BIRC6: variants seen among roughly 807,000 people sequenced by gnomAD.
BIRC6 encodes baculoviral IAP repeat containing 6, also known as dual E2 ubiquitin-conjugating enzyme/E3 ubiquitin-protein ligase BIRC6.
In BIRC6, 98 loss-of-function variants were observed where a neutral mutation model predicts 503.3. The ratio of observed to expected loss-of-function variants is 0.19; its 90% CI spans 0.17 to 0.23. The LOEUF (loss-of-function observed/expected upper bound fraction) is 0.23, where lower values mean the gene tolerates loss of function less well. Among genes scored for constraint, BIRC6 ranks in the 10% least tolerant of loss-of-function variants. The pLI, the probability that BIRC6 is intolerant of heterozygous loss-of-function variation, is 1.00. For missense variants in BIRC6, 5,360 were observed against 5,806.0 expected (o/e 0.92, Z 2.50); for synonymous variants, 2,240 against 2,078.7 (o/e 1.08, Z -2.11).
chr2:32,518,725 G>T, intron 56 of BIRC6, 92 bp from the exon 57 acceptor site: 1 of 1,370,386 alleles, frequency 7.3e-7, no homozygotes, highest in Admixed American at 2.2e-5. Flanking sequence ...GATTTATTGA[G>T]TATTTTATTC....
chr2:32,588,137 T>C (rs1366521343), intron 66 of BIRC6, among the ~76,000 whole-genome samples: 2 of 152,100 alleles, frequency 1.3e-5, no homozygotes, highest in African/African-American at 4.8e-5. Context: ...GTGGATCACA[T>C]GAGGTCAGGA....
At chr2:32,518,167 C>T (rs538223227) in intron 55 of BIRC6, 87 bp from the exon 56 acceptor site, 1 of 1,245,468 alleles carries the variant, frequency 8.0e-7, no homozygotes, top group Non-Finnish European at 1.1e-6. Flanking sequence ...TAAACTTATT[C>T]ATATTTTCTG....
At chr2:32,444,739 T>C (rs2045776998) in intron 20 of BIRC6, among the ~76,000 whole-genome samples, 1 of 152,172 alleles carries the variant, frequency 6.6e-6, no homozygotes, top group African/African-American at 2.4e-5. Flanking sequence ...TCATAAAGAT[T>C]TCATCTTTGT....
Position 32,468,572 on chromosome 2 carries a change from T to G in BIRC6, c.5916T>G (p.Ser1972=). The change falls in exon 29 of 74, where the codon TCT becomes TCG. Residue 1972 remains serine (S), a synonymous_variant. Coordinates refer to ENST00000421745, the MANE Select transcript of BIRC6 (RefSeq NM_016252.4). ...TTGAGGAAGACAGTAGGGTTTTTTC[T>G]GCTTATCAAGATTGTATTCAGCTAC... ...KAVEEDSRVF[S]AYQDCIQLQL... The G allele has an allele frequency of 6.2e-7, 1 of 1,614,028 alleles. No homozygotes were observed. The highest frequency in any genetic ancestry group is 8.5e-7 in the Non-Finnish European group (1 of 1,179,870).
chr2:32,567,935 A>T (rs1397847278), intron 65 of BIRC6, among the ~76,000 whole-genome samples: 1 of 152,148 alleles, frequency 6.6e-6, no homozygotes, highest in Non-Finnish European at 1.5e-5. Context: ...ACCCTTCTCT[A>T]CTAAAAATAA....
In BIRC6 at chr2:32,519,620, A is replaced by G. The variant is rs571316961; in HGVS notation, c.11623+674A>G. ...AACCTGTGCCTCCCATGTTCAAGCA[A>G]TTCTCCTGCCTCAGCCTCCTGAGTA... On this transcript the variant is annotated intron_variant, in intron 57 of 73. Transcript: ENST00000421745. Among the ~76,000 whole-genome samples the G allele has an allele frequency of 5.9e-5, 9 of 152,164 alleles. 1 individual carries two copies. In the South Asian group the frequency reaches 1.9e-3, roughly 32 times the overall value.
rs202208418 is a variant in BIRC6, at chr2:32,388,972, T to G, written c.839+29T>G. 3.8e-5 allele frequency: 49 copies of G among 1,295,904 alleles called. No homozygotes were observed. In the East Asian group the frequency reaches 1.4e-3, roughly 36 times the overall value. 80.3% of individuals were successfully genotyped at this position (1,295,904 alleles called of 1,614,324 possible). A position where few individuals can be genotyped will look rare whatever the true frequency, so the allele number is the denominator to read the frequency against. ...TGAACCTTGCTAACAAAGGTGACAG[T>G]GAGATAGAATTGATTAGTTTTTGCA... On this transcript the variant is annotated intron_variant, in intron 4 of 73. Coordinates refer to ENST00000421745, the MANE Select transcript of BIRC6 (RefSeq NM_016252.4).
chr2:32,511,441 C>G (rs1572715654), intron 53 of BIRC6, among the ~76,000 whole-genome samples: 1 of 142,470 alleles, frequency 7.0e-6, no homozygotes, highest in East Asian at 2.0e-4. Context: ...TCCTGAGTAG[C>G]TGGGTCTACA....
chr2:32,612,472 A>G (rs187149031), intron 73 of BIRC6, among the ~76,000 whole-genome samples: 87 of 151,916 alleles, frequency 5.7e-4, no homozygotes, highest in African/African-American at 1.7e-3. Flanking sequence ...TCCCTTTTCT[A>G]TCTTCAGGTT....
At chr2:32,389,783 G>A (rs899015943) in intron 4 of BIRC6, among the ~76,000 whole-genome samples, 27 of 152,086 alleles carry the variant, frequency 1.8e-4, no homozygotes, top group African/African-American at 5.8e-4. Flanking sequence ...TGCAACCTCT[G>A]CCTCCCAGAT....
intron 43 of BIRC6, 137 bp downstream of exon 43, chr2:32,490,288 C>A: frequency 2.8e-6 from 2 of 711,878 alleles, no homozygotes; most frequent in Non-Finnish European, 4.7e-6. Context: ...TGGCTCACGC[C>A]TGTAAACCCA....
At chr2:32,432,291 C>T (rs966825989) in intron 12 of BIRC6, among the ~76,000 whole-genome samples, 1 of 152,146 alleles carries the variant, frequency 6.6e-6, no homozygotes, top group Non-Finnish European at 1.5e-5. Context: ...TGGTGCACAC[C>T]TGTAATCCCA....
intron 10 of BIRC6, among the ~76,000 whole-genome samples, chr2:32,424,108 A>G (rs1574105779): frequency 6.6e-6 from 1 of 152,212 alleles, no homozygotes; most frequent in Admixed American, 6.5e-5. Context: ...GCAGATTTCT[A>G]AGATTTATGG....
At position 32,367,693 on chromosome 2, in the gene BIRC6, G is replaced by T. The variant is rs546349964; in HGVS notation, c.326-9895G>T. ...TAGCTGGGTGTGGTGGTGTACACTT[G>T]TAATTCCAGCTACTCGGGAGGCTGA... On this transcript the variant is annotated intron_variant, in intron 1 of 73. Transcript: ENST00000421745. 4.6e-5 allele frequency among the ~76,000 whole-genome samples: 7 copies of T among 151,994 alleles called. No individual in the cohort carries two copies. In the South Asian group the frequency reaches 1.4e-3, roughly 31 times the overall value.
Position 32,593,962 on chromosome 2 carries a change from A to T in BIRC6, c.13403A>T (p.Asp4468Val). Residue 4468 changes from aspartate (D) to valine (V), a missense_variant, in exon 67 of 74, where the codon GAT becomes GTT. Coordinates refer to ENST00000421745, the MANE Select transcript of BIRC6 (RefSeq NM_016252.4). ...VKTGVKPDAS[D>V]QEPEGLTLLV... ...ACAGGAGTAAAACCAGATGCGTCTG[A>T]TCAAGAACCAGAAGGACTTACTCTT... The T allele has an allele frequency of 6.2e-7, 1 of 1,613,756 alleles. No individual in the cohort carries two copies. Among genetic ancestry groups the T allele is most frequent in the Non-Finnish European group, 8.5e-7 (1 of 1,179,690 alleles).
intron 37 of BIRC6, among the ~76,000 whole-genome samples, chr2:32,480,072 TAATCTG>T (rs2050207509): frequency 6.6e-6 from 1 of 152,238 alleles, no homozygotes; most frequent in South Asian, 2.1e-4. Flanking sequence ...TTTTGGGTAC[TAATCTG>T]TATATGTCAG....
At chr2:32,458,757 C>T (rs1235183155) in intron 23 of BIRC6, among the ~76,000 whole-genome samples, 2 of 134,636 alleles carry the variant, frequency 1.5e-5, no homozygotes, top group Non-Finnish European at 3.1e-5. Flanking sequence ...TGCAGTGGCT[C>T]AATCTTGGCT....
In BIRC6 at chr2:32,545,718, C is replaced by T; in HGVS notation, c.12668C>T (p.Thr4223Ile). The change falls in exon 63 of 74, where the codon ACT becomes ATT. Residue 4223 changes from threonine (T) to isoleucine (I), a missense_variant. By Grantham distance (89) the Thr-to-Ile change is moderately conservative (BLOSUM62 -1). Around this residue, in one of 16 missense-constraint regions of BIRC6, gnomAD observed 477 missense variants for 574.4 expected, o/e 0.83. Transcript: ENST00000421745. ...PFHVLRSLFS[T>I]TPLTTDDGVL... Reference sequence around the variant, plus strand: ...CACGTCCTTCGTAGCTTGTTTAGCACTACACCTTTGACAACTGATGATGGT... The same window carrying T: ...CACGTCCTTCGTAGCTTGTTTAGCATTACACCTTTGACAACTGATGATGGT... The T allele has an allele frequency of 6.2e-7, 1 of 1,613,898 alleles. No homozygotes were observed. The highest frequency in any genetic ancestry group is 8.5e-7 in the Non-Finnish European group (1 of 1,179,822).
At chr2:32,431,179 A>ATGTTTTTTTTTTTTTTTTTTTTTTT (rs1558703328) in intron 12 of BIRC6, 89 bp downstream of exon 12, 1 of 48,888 alleles carries the variant, frequency 2.0e-5, no homozygotes, top group Non-Finnish European at 4.2e-5. Flanking sequence ...ATTACTGTTT[A>ATGTTTTTTTTTTTTTTTTTTTTTTT]TCTTTTTTTT....
Sources: allele counts gnomAD v4.1 joint callset (sites outside exome capture counted in the v4.1 genomes callset), GRCh38; gene constraint gnomAD v4.1.1; regional missense constraint gnomAD v4.1.1; transcripts MANE v1.5; gene names NCBI Gene and HGNC (gene_info 2026-07-23, HGNC 2026-07-21).